Variants in CCBE1 observed in about 807,000 individuals in gnomAD.
The protein encoded by CCBE1 is collagen and calcium binding EGF domains 1.
CCBE1 carries 37 observed loss-of-function variants against 50.0 expected under a neutral mutation model. That is an observed-to-expected ratio of 0.74 (90% CI 0.57 to 0.97). CCBE1 has a LOEUF of 0.97. Ranked by LOEUF, CCBE1 falls within the 50% of genes least tolerant of loss-of-function variation. The pLI is 0.00. For missense variants in CCBE1, 538 were observed against 523.8 expected (o/e 1.03, Z -0.26); for synonymous variants, 234 against 203.7 (o/e 1.15, Z -1.27).
At chr18:59,524,589 C>T (rs1246062315) in intron 2 of CCBE1, among the ~76,000 whole-genome samples, 3 of 152,222 alleles carry the variant, frequency 2.0e-5, no homozygotes, top group East Asian at 1.9e-4. Flanking sequence ...TTTGCATTTA[C>T]TTATTTTTTT....
intron 2 of CCBE1, among the ~76,000 whole-genome samples, chr18:59,560,931 G>A (rs1466598167): frequency 1.3e-5 from 2 of 152,218 alleles, no homozygotes; most frequent in South Asian, 2.1e-4. Flanking sequence ...CTTGAGACCT[G>A]TAGTCCTAAT....
intron 10 of CCBE1, 26 bp downstream of exon 10, chr18:59,438,085 G>A (rs1175177772): frequency 6.2e-7 from 1 of 1,613,518 alleles, no homozygotes; most frequent in African/African-American, 1.3e-5. Flanking sequence ...TTCCCCTGGG[G>A]AAGCAGGACA....
At chr18:59,487,942 C>G (rs1912901411) in intron 2 of CCBE1, among the ~76,000 whole-genome samples, 1 of 152,210 alleles carries the variant, frequency 6.6e-6, no homozygotes. Flanking sequence ...GTAGACACAT[C>G]CCAATGTCCA....
At chr18:59,480,295 C>A in intron 2 of CCBE1, 57 bp from the exon 3 acceptor site, 2 of 1,302,094 alleles carry the variant, frequency 1.5e-6, no homozygotes, top group African/African-American at 2.9e-5. Flanking sequence ...AAAATTCTTT[C>A]CAGTTATTGT....
intron 2 of CCBE1, among the ~76,000 whole-genome samples, chr18:59,558,072 T>C (rs1011508432): frequency 6.6e-6 from 1 of 152,228 alleles, no homozygotes; most frequent in African/African-American, 2.4e-5. Context: ...GTGACTCACG[T>C]GTATCTTATG....
At chr18:59,691,477 C>A (rs1019668902) in intron 2 of CCBE1, among the ~76,000 whole-genome samples, 1 of 152,230 alleles carries the variant, frequency 6.6e-6, no homozygotes, top group East Asian at 1.9e-4. Flanking sequence ...GTGATCTTGG[C>A]TCACCACAAC....
intron 3 of CCBE1, among the ~76,000 whole-genome samples, chr18:59,479,021 C>G (rs1360246589): frequency 6.6e-6 from 1 of 152,186 alleles, no homozygotes. Flanking sequence ...CCACAGAAAA[C>G]AGCGATAAAT....
chr18:59,607,054 T>TG (rs1399645260), intron 2 of CCBE1, among the ~76,000 whole-genome samples: 34 of 108,290 alleles, frequency 3.1e-4, no homozygotes, highest in African/African-American at 1.3e-3. Flanking sequence ...TGTGTTGAAT[T>TG]GGGAAAAAAA....
intron 2 of CCBE1, among the ~76,000 whole-genome samples, chr18:59,639,668 A>C (rs997969972): frequency 8.0e-4 from 122 of 152,314 alleles, no homozygotes; most frequent in African/African-American, 2.9e-3. Context: ...AAAGAAATAA[A>C]AGGTATCAAA....
chr18:59,638,153 G>A (rs2053939452), intron 2 of CCBE1, among the ~76,000 whole-genome samples: 1 of 152,130 alleles, frequency 6.6e-6, no homozygotes, highest in Non-Finnish European at 1.5e-5. Context: ...TGCAGAGTTT[G>A]TTTAAAATCA....
intron 2 of CCBE1, among the ~76,000 whole-genome samples, chr18:59,598,941 G>T (rs551365773): frequency 7.2e-5 from 11 of 152,338 alleles, no homozygotes; most frequent in African/African-American, 2.6e-4. Context: ...GAGGTGGGCA[G>T]AGACCAAAGA....
intron 9 of CCBE1, among the ~76,000 whole-genome samples, chr18:59,439,048 A>G (rs561022939): frequency 1.3e-5 from 2 of 152,258 alleles, no homozygotes; most frequent in South Asian, 4.1e-4. Context: ...GCACTTGGGG[A>G]GGCCGAGGTG....
intron 2 of CCBE1, among the ~76,000 whole-genome samples, chr18:59,525,404 A>T (rs1598979072): frequency 6.6e-6 from 1 of 152,306 alleles, no homozygotes; most frequent in East Asian, 1.9e-4. Flanking sequence ...TGTCTTTGCC[A>T]ACTTTTTAAT....
At chr18:59,589,272 G>GA in intron 2 of CCBE1, among the ~76,000 whole-genome samples, 2 of 152,262 alleles carry the variant, frequency 1.3e-5, no homozygotes, top group East Asian at 3.9e-4. Flanking sequence ...CCACATTAGT[G>GA]ATAGAAAGCT....
rs539994921 is a variant in CCBE1, at chr18:59,657,837, G to T, written c.212+38792C>A. 2.6e-5 allele frequency among the ~76,000 whole-genome samples: 4 copies of T among 152,302 alleles called. No homozygotes were observed. The South Asian group carries it at 6.2e-4, about 24-fold the overall frequency. ...ACCCGGGAGGTGGAGGTTGCAGTGA[G>T]CCCAGATTGTGCCACTGCACTCCAG... On this transcript the variant is annotated intron_variant, in intron 2 of 10. Transcript: ENST00000439986.
intron 2 of CCBE1, among the ~76,000 whole-genome samples, chr18:59,588,238 T>C (rs1044056911): frequency 6.6e-6 from 1 of 152,180 alleles, no homozygotes; most frequent in African/African-American, 2.4e-5. Context: ...CTGACATGTG[T>C]GCAGACCACA....
chr18:59,594,283 T>G (rs2053318772), intron 2 of CCBE1, among the ~76,000 whole-genome samples: 2 of 152,238 alleles, frequency 1.3e-5, no homozygotes, highest in Non-Finnish European at 2.9e-5. Context: ...GTGCTAAATG[T>G]TAAAAAGCAT....
Position 59,491,792 on chromosome 18 carries a change from A to G in CCBE1, c.213-11554T>C, listed in dbSNP as rs576852709. Among the ~76,000 whole-genome samples, 9 of 146,874 alleles carry G rather than the reference A, an allele frequency of 6.1e-5. No homozygotes were observed. In the South Asian group the frequency reaches 1.9e-3, roughly 31 times the overall value. On this transcript the variant is annotated intron_variant, in intron 2 of 10. Coordinates refer to ENST00000439986, the MANE Select transcript of CCBE1 (RefSeq NM_133459.4). ...ATTGCACCACTGGACTCCAACCTGA[A>G]CAGCAGCGTGAGACTCTGTCTCCAA...
intron 2 of CCBE1, among the ~76,000 whole-genome samples, chr18:59,644,734 C>T (rs2054032950): frequency 6.6e-6 from 1 of 152,188 alleles, no homozygotes; most frequent in Non-Finnish European, 1.5e-5. Flanking sequence ...CACACCGTCA[C>T]TAACTCCCAG....
Sources: allele counts gnomAD v4.1 joint callset (sites outside exome capture counted in the v4.1 genomes callset), GRCh38; gene constraint gnomAD v4.1.1; transcripts MANE v1.5; gene names NCBI Gene and HGNC (gene_info 2026-07-23, HGNC 2026-07-21).